The following AHCTF1 variants were observed in gnomAD, a reference collection of about 807,000 sequenced individuals.
The protein encoded by AHCTF1 is AT-hook containing transcription factor 1.
Under a neutral mutation model 248.4 loss-of-function variants are expected in AHCTF1, and 24 were observed. The observed-to-expected ratio is 0.10, with a 90% confidence interval of 0.07 to 0.14. AHCTF1 has a LOEUF of 0.14. AHCTF1 is among the 10% of genes least tolerant of loss of function. The probability of loss-of-function intolerance (pLI) is 1.00; values close to 1 mark genes in which losing one functional copy is unlikely to be tolerated. For synonymous variants in AHCTF1, 786 were observed against 929.8 expected (o/e 0.85, Z 2.81); for missense variants, 2,206 against 2,636.2 (o/e 0.84, Z 3.57).
intron 1 of AHCTF1, among the ~76,000 whole-genome samples, chr1:246,920,571 C>A (rs564425974): frequency 1.9e-4 from 28 of 150,980 alleles, no homozygotes; most frequent in Admixed American, 5.3e-4. Context: ...GAGATCGAGA[C>A]CATCCTGGCT....
intron 31 of AHCTF1, among the ~76,000 whole-genome samples, chr1:246,854,437 A>G (rs1446957978): frequency 6.6e-6 from 1 of 152,174 alleles, no homozygotes; most frequent in Non-Finnish European, 1.5e-5. Flanking sequence ...CAAACCCCAA[A>G]ATGGTGATTG....
chr1:246,846,102 T>C (rs1233388159), intron 33 of AHCTF1, among the ~76,000 whole-genome samples: 2 of 148,472 alleles, frequency 1.3e-5, no homozygotes, highest in East Asian at 2.0e-4. Context: ...GTCATGTATC[T>C]AGTATGGCCT....
chr1:246,906,171 C>T (rs1390676483), intron 5 of AHCTF1, among the ~76,000 whole-genome samples: 1 of 152,124 alleles, frequency 6.6e-6, no homozygotes, highest in African/African-American at 2.4e-5. Flanking sequence ...CTGAAGAGTT[C>T]CCATAAACTG....
At chr1:246,891,679 T>C (rs1023796703) in intron 15 of AHCTF1, 100 bp downstream of exon 15, 6 of 1,281,240 alleles carry the variant, frequency 4.7e-6, no homozygotes, top group East Asian at 2.6e-5. Flanking sequence ...AAGTCCTCTT[T>C]ACATAATGAT....
chr1:246,884,157 T>C (rs1452392107), intron 21 of AHCTF1, among the ~76,000 whole-genome samples: 3 of 152,236 alleles, frequency 2.0e-5, no homozygotes, highest in Non-Finnish European at 4.4e-5. Context: ...TTCTTTATTT[T>C]GTTCTTACAG....
chr1:246,887,530 T>C (rs958845451), intron 19 of AHCTF1, among the ~76,000 whole-genome samples, 173 bp from the exon 20 acceptor site: 2 of 152,208 alleles, frequency 1.3e-5, no homozygotes, highest in Non-Finnish European at 2.9e-5. Flanking sequence ...TTAGTAAATG[T>C]GGGTACAACC....
At chr1:246,855,464 C>G (rs1477338696) in intron 31 of AHCTF1, among the ~76,000 whole-genome samples, 1 of 152,118 alleles carries the variant, frequency 6.6e-6, no homozygotes, top group Non-Finnish European at 1.5e-5. Context: ...CCAAGAAGAT[C>G]AAACGGCAGG....
intron 2 of AHCTF1, among the ~76,000 whole-genome samples, chr1:246,916,731 T>A (rs1337322938): frequency 1.3e-5 from 2 of 152,172 alleles, no homozygotes; most frequent in African/African-American, 4.8e-5. Context: ...TTATTCCTTA[T>A]CACACCTCAA....
chr1:246,923,681 T>A (rs1303329539), intron 1 of AHCTF1, among the ~76,000 whole-genome samples: 1 of 152,202 alleles, frequency 6.6e-6, no homozygotes, highest in African/African-American at 2.4e-5. Context: ...GTGGTGGAAG[T>A]GACACATTGC....
intron 21 of AHCTF1, among the ~76,000 whole-genome samples, chr1:246,883,959 T>C (rs960481537): frequency 6.6e-6 from 1 of 152,164 alleles, no homozygotes; most frequent in Non-Finnish European, 1.5e-5. Context: ...GAAAAAAACC[T>C]TCCAAACATG....
At chr1:246,924,720 C>T (rs1666814564) in intron 1 of AHCTF1, among the ~76,000 whole-genome samples, 1 of 152,164 alleles carries the variant, frequency 6.6e-6, no homozygotes, top group South Asian at 2.1e-4. Flanking sequence ...TAGACAAAAA[C>T]TTGATGGACT....
Position 246,867,898 on chromosome 1 carries a change from C to T in AHCTF1, c.3089-87G>A, listed in dbSNP as rs1427750861. ...ATATGAAAGAATGATTACACCCCCC[C>T]CCCCACACACACACACACACACATT... is the stretch of plus-strand genomic sequence containing the variant. On this transcript the variant is annotated intron_variant, in intron 24 of 35. Coordinates refer to ENST00000648844, the MANE Select transcript of AHCTF1 (RefSeq NM_001323342.2). The T allele has an allele frequency of 1.9e-5, 11 of 566,676 alleles. 2 individuals are homozygous for T. The highest frequency in any genetic ancestry group is 1.9e-4 in the South Asian group (8 of 41,910). The allele number at this position is 566,676 out of a possible 1,614,324, so 35.1% of individuals were successfully genotyped here.
At chr1:246,884,507 C>G (rs1030597509) in intron 21 of AHCTF1, among the ~76,000 whole-genome samples, 1 of 152,100 alleles carries the variant, frequency 6.6e-6, no homozygotes, top group African/African-American at 2.4e-5. Context: ...AAATGATCAA[C>G]AGGGTTGAAT....
Position 246,899,608 on chromosome 1 carries a change from T to G in AHCTF1, c.1433-96A>C, listed in dbSNP as rs564251523. ...CAATAACAGACTGCAAGGCAAGGTG[T>G]CAAATTATTACATGTAATAAATCTT... On this transcript the variant is annotated intron_variant, in intron 10 of 35. Coordinates refer to ENST00000648844, the MANE Select transcript of AHCTF1 (RefSeq NM_001323342.2). 13 of 820,772 alleles carry G rather than the reference T, an allele frequency of 1.6e-5. No homozygotes were observed. The South Asian group carries it at 2.4e-4, about 15-fold the overall frequency. The allele number at this position is 820,772 out of a possible 1,614,324, so 50.8% of individuals were successfully genotyped here.
chr1:246,913,297 T>A lies in AHCTF1; in HGVS notation c.491A>T (p.Gln164Leu). ...CAAACATAGGTCAACAAGAAGGATC[T>A]GTCCAACATCAGTGACCACAGCTGC... ...GVAAVVTDVG[Q>L]ILLVDLCLDD... Residue 164 changes from glutamine to leucine, a missense_variant, in exon 4 of 36, where the codon CAG becomes CTG. Transcript: ENST00000648844. 6.2e-7 allele frequency: 1 copy of A among 1,613,506 alleles called. No homozygotes were observed. Among genetic ancestry groups the A allele is most frequent in the Non-Finnish European group, 8.5e-7 (1 of 1,179,568 alleles).
intron 12 of AHCTF1, 27 bp downstream of exon 12, chr1:246,898,181 A>G (rs1664731180): frequency 6.2e-7 from 1 of 1,610,418 alleles, no homozygotes. Context: ...CAACCAAAAG[A>G]AACAATAGAG....
chr1:246,929,427 A>ATAAAAG (rs1667172336), intron 1 of AHCTF1, among the ~76,000 whole-genome samples: 4 of 151,884 alleles, frequency 2.6e-5, no homozygotes, highest in African/African-American at 7.3e-5. Context: ...AAAAATAAAA[A>ATAAAAG]TAAAAATACA....
At chr1:246,908,072 G>C (rs1168298103) in intron 4 of AHCTF1, among the ~76,000 whole-genome samples, 1 of 151,910 alleles carries the variant, frequency 6.6e-6, no homozygotes, top group East Asian at 1.9e-4. Context: ...TTTCTTTATT[G>C]AAATTTAGAA....
intron 31 of AHCTF1, 113 bp from the exon 32 acceptor site, chr1:246,853,412 C>G (rs953755760): frequency 1.3e-6 from 1 of 770,274 alleles, no homozygotes; most frequent in Non-Finnish European, 2.0e-6. Flanking sequence ...TATTAATAAA[C>G]TATCACAATG....
Sources: allele counts gnomAD v4.1 joint callset (sites outside exome capture counted in the v4.1 genomes callset), GRCh38; gene constraint gnomAD v4.1.1; transcripts MANE v1.5; gene names NCBI Gene and HGNC (gene_info 2026-07-23, HGNC 2026-07-21).